The following BMAL1 variants were observed in gnomAD, a reference collection of about 807,000 sequenced individuals.
BMAL1 encodes basic helix-loop-helix ARNT like 1.
At chr11:13,377,306 T>C in the BMAL1 span, among the ~76,000 whole-genome samples, 1 of 152,204 alleles carries the variant, frequency 6.6e-6, no homozygotes, top group Non-Finnish European at 1.5e-5. Flanking sequence ...CAGAACCACC[T>C]GGAGTCTCAG....
chr11:13,288,394 T>TTTTCTTTCTTTCTTCTTTCTTTC, the BMAL1 span, among the ~76,000 whole-genome samples: 27 of 43,346 alleles, frequency 6.2e-4, no homozygotes, highest in African/African-American at 1.1e-3. Context: ...GGATTTTCTT[T>TTTTCTTTCTTTCTTCTTTCTTTC]TTTCTTTCTT....
chr11:13,300,164 G>A, the BMAL1 span, among the ~76,000 whole-genome samples: 33 of 152,194 alleles, frequency 2.2e-4, no homozygotes, highest in South Asian at 6.2e-4. Flanking sequence ...CTTCCCTATG[G>A]CCATCTAAAA....
the BMAL1 span, chr11:13,358,341 C>T: frequency 7.2e-5 from 95 of 1,320,602 alleles, no homozygotes; most frequent in Non-Finnish European, 5.0e-6. Context: ...GTCAGATGAA[C>T]ATTGAAAACA....
the BMAL1 span, among the ~76,000 whole-genome samples, chr11:13,284,254 ATATATATATATATT>A: frequency 6.8e-3 from 176 of 25,696 alleles, 15 homozygotes; most frequent in Middle Eastern, 0.15. Context: ...ATATATATAT[ATATATATATATATT>A]TTTTTTTTTA....
chr11:13,370,250 C>T, the BMAL1 span, among the ~76,000 whole-genome samples: 6 of 152,164 alleles, frequency 3.9e-5, no homozygotes, highest in Non-Finnish European at 4.4e-5. Context: ...TTGCTGGCTG[C>T]CCCTCTCTGT....
the BMAL1 span, among the ~76,000 whole-genome samples, chr11:13,373,476 T>TA: frequency 6.6e-6 from 1 of 152,200 alleles, no homozygotes; most frequent in Middle Eastern, 3.2e-3. Context: ...CACTGAGGTT[T>TA]AGATTTATAC....
At chr11:13,283,295 G>A in the BMAL1 span, among the ~76,000 whole-genome samples, 1 of 152,158 alleles carries the variant, frequency 6.6e-6, no homozygotes, top group South Asian at 2.1e-4. Flanking sequence ...TGAAATGTCT[G>A]ACCTGGGCAA....
chr11:13,323,174 C>G, the BMAL1 span, among the ~76,000 whole-genome samples: 1 of 151,992 alleles, frequency 6.6e-6, no homozygotes, highest in Non-Finnish European at 1.5e-5. Flanking sequence ...GCAGAAGGAG[C>G]ACAGGGCAGA....
chr11:13,371,170 G>A, the BMAL1 span, among the ~76,000 whole-genome samples: 7 of 152,278 alleles, frequency 4.6e-5, no homozygotes, highest in East Asian at 1.9e-4. Flanking sequence ...CAGACTCCAC[G>A]CTTGGCAGAC....
chr11:13,372,063 AT>A, the BMAL1 span: 1 of 1,479,644 alleles, frequency 6.8e-7, no homozygotes, highest in Non-Finnish European at 9.0e-7. Context: ...ATTTTTTTTT[AT>A]TTTTTGACTC....
At chr11:13,373,215 G>T in the BMAL1 span, among the ~76,000 whole-genome samples, 1 of 152,126 alleles carries the variant, frequency 6.6e-6, no homozygotes, top group Non-Finnish European at 1.5e-5. Flanking sequence ...GCCAGCCTGG[G>T]GACTGGTCTC....
the BMAL1 span, among the ~76,000 whole-genome samples, chr11:13,382,673 A>G: frequency 1.3e-5 from 2 of 152,236 alleles, no homozygotes; most frequent in East Asian, 3.9e-4. Flanking sequence ...GACTCCTGGT[A>G]TTACCAAGGA....
chr11:13,365,605 C>T, the BMAL1 span: 3 of 1,609,434 alleles, frequency 1.9e-6, no homozygotes, highest in East Asian at 2.2e-5. Context: ...ATTGTTCATG[C>T]TCCTGTTGAT....
chr11:13,333,265 C>A, the BMAL1 span, among the ~76,000 whole-genome samples: 3 of 152,164 alleles, frequency 2.0e-5, no homozygotes, highest in East Asian at 1.9e-4. Context: ...CTGCGCCCGG[C>A]CAATACTGTC....
chr11:13,360,908 G>A, the BMAL1 span, among the ~76,000 whole-genome samples: 37 of 152,278 alleles, frequency 2.4e-4, no homozygotes, highest in African/African-American at 8.4e-4. Flanking sequence ...ACCTGAGGTC[G>A]AGTTTGAGAC....
the BMAL1 span, chr11:13,277,739 C>T: frequency 4.9e-5 from 1 of 20,322 alleles, no homozygotes; most frequent in African/African-American, 1.9e-4. Context: ...GATTGGTGGG[C>T]GGGGGGCCGG....
the BMAL1 span, among the ~76,000 whole-genome samples, chr11:13,326,825 G>GT: frequency 1.3e-3 from 193 of 149,998 alleles, no homozygotes; most frequent in Middle Eastern, 7.0e-3. Flanking sequence ...GTTTTGTTTT[G>GT]TTTTGTTTTT....
At chr11:13,330,573 A>G in the BMAL1 span, among the ~76,000 whole-genome samples, 1 of 152,252 alleles carries the variant, frequency 6.6e-6, no homozygotes, top group African/African-American at 2.4e-5. Context: ...CTGTGAACTT[A>G]TATGACTCCT....
At chr11:13,326,099 AG>A in the BMAL1 span, among the ~76,000 whole-genome samples, 1 of 151,722 alleles carries the variant, frequency 6.6e-6, no homozygotes, top group Non-Finnish European at 1.5e-5. Context: ...GCTACTCGGG[AG>A]GCTGAGGCAG....
Sources: gnomAD v4.1 joint callset for allele counts (sites outside exome capture counted in the v4.1 genomes callset) on GRCh38, gnomAD v4.1.1 for gene constraint, MANE v1.5 for transcripts, NCBI Gene and HGNC (gene_info 2026-07-23, HGNC 2026-07-21) for gene names.